The following RALGAPA2 variants were observed in gnomAD, a reference collection of about 807,000 sequenced individuals.
The protein encoded by RALGAPA2 is Ral GTPase activating protein catalytic subunit alpha 2.
A neutral mutation model predicts 230.4 loss-of-function variants in RALGAPA2; 139 were observed. That is an observed-to-expected ratio of 0.60 (90% CI 0.53 to 0.69). The LOEUF is 0.69. Ranked by LOEUF, RALGAPA2 falls within the 30% of genes least tolerant of loss-of-function variation. The pLI, the probability that RALGAPA2 is intolerant of heterozygous loss-of-function variation, is 0.00. For missense variants in RALGAPA2, 2,163 were observed against 2,276.0 expected (o/e 0.95, Z 1.01); for synonymous variants, 847 against 837.8 (o/e 1.01, Z -0.19).
intron 12 of RALGAPA2, among the ~76,000 whole-genome samples, chr20:20,618,205 A>C (rs1279365915): frequency 1.3e-5 from 2 of 152,182 alleles, no homozygotes; most frequent in Non-Finnish European, 2.9e-5. Flanking sequence ...CTTTTGAACC[A>C]AGGGGATCAC....
chr20:20,519,598 C>G (rs2062977290), intron 31 of RALGAPA2, among the ~76,000 whole-genome samples: 1 of 152,208 alleles, frequency 6.6e-6, no homozygotes, highest in Admixed American at 6.5e-5. Context: ...TATAACAGCT[C>G]CTGTTTCATT....
intron 37 of RALGAPA2, among the ~76,000 whole-genome samples, chr20:20,444,912 G>A (rs1251584126): frequency 1.3e-5 from 2 of 152,168 alleles, no homozygotes; most frequent in East Asian, 1.9e-4. Flanking sequence ...GCGGGTCCAC[G>A]CCGCATGCGC....
chr20:20,400,773 A>C (rs1602258607), intron 38 of RALGAPA2, among the ~76,000 whole-genome samples: 1 of 152,216 alleles, frequency 6.6e-6, no homozygotes, highest in South Asian at 2.1e-4. Context: ...CCAAAAGTGG[A>C]AACAGCCCGA....
chr20:20,670,812 G>C (rs76498885), intron 3 of RALGAPA2, among the ~76,000 whole-genome samples: 1 of 151,866 alleles, frequency 6.6e-6, no homozygotes, highest in Non-Finnish European at 1.5e-5. Flanking sequence ...AGCCGGGCAC[G>C]GTGGCAGGCA....
chr20:20,537,844 C>T (rs1241187254), intron 24 of RALGAPA2, among the ~76,000 whole-genome samples: 1 of 152,184 alleles, frequency 6.6e-6, no homozygotes, highest in Non-Finnish European at 1.5e-5. Context: ...AGCATTTCTT[C>T]ATAAAGTCCC....
At chr20:20,688,247 G>A (rs905799651) in intron 1 of RALGAPA2, among the ~76,000 whole-genome samples, 1 of 151,760 alleles carries the variant, frequency 6.6e-6, no homozygotes, top group Non-Finnish European at 1.5e-5. Context: ...CAGAGGTTGC[G>A]GTGAGCCAAC....
At chr20:20,616,956 G>T (rs910574685) in intron 12 of RALGAPA2, among the ~76,000 whole-genome samples, 4 of 152,198 alleles carry the variant, frequency 2.6e-5, no homozygotes, top group Non-Finnish European at 5.9e-5. Flanking sequence ...GCAGAAAAAT[G>T]TGAGAAGCAC....
chr20:20,676,253 T>C lies in RALGAPA2; in HGVS notation c.253A>G (p.Ile85Val), dbSNP rs767812466. ...AAACTTACTTCAAAAAGGAAGAGGA[T>C]GGAGTCCAGCTCCTCCCTTTGTGAC... ...NKSQREELDSILFLFEKILQF... is the reference protein window; with the variant it reads ...NKSQREELDSVLFLFEKILQF... Residue 85 changes from isoleucine (I) to valine (V), a missense_variant, in exon 3 of 40, where the codon ATC (isoleucine) becomes GTC (valine). Coordinates refer to ENST00000202677, the MANE Select transcript of RALGAPA2 (RefSeq NM_020343.4). 10 of 1,561,692 alleles carry C rather than the reference T, an allele frequency of 6.4e-6. No homozygotes were observed. Among genetic ancestry groups the C allele is most frequent in the South Asian group, 3.5e-5 (3 of 86,112 alleles).
rs893563164 is a variant in RALGAPA2 at position 20,620,451 on chromosome 20, GAA to G, written c.1401+10_1401+11del. 2 of 1,611,916 alleles carry G rather than the reference GAA, an allele frequency of 1.2e-6. No homozygotes were observed. Among genetic ancestry groups the G allele is most frequent in the Admixed American group, 3.4e-5 (2 of 59,620 alleles). ...TTTACCCTCAACTCAAAAGACAAGTGAAAAAAATTACCTCCTTGCTATCAGTC... is the reference window on the plus strand; with the variant it reads ...TTTACCCTCAACTCAAAAGACAAGTGAAAAATTACCTCCTTGCTATCAGTC... On this transcript the variant is annotated intron_variant, in intron 11 of 39. Transcript: ENST00000202677.
chr20:20,436,479 G>A (rs1438386223), intron 37 of RALGAPA2, among the ~76,000 whole-genome samples: 1 of 152,150 alleles, frequency 6.6e-6, no homozygotes, highest in Non-Finnish European at 1.5e-5. Context: ...AGAAAAAACT[G>A]GTAGTGGTTG....
intron 1 of RALGAPA2, among the ~76,000 whole-genome samples, chr20:20,701,245 T>A (rs191510499): frequency 9.2e-5 from 14 of 152,356 alleles, no homozygotes; most frequent in Admixed American, 5.9e-4. Flanking sequence ...CCTATCTCTT[T>A]GGGGCAGATT....
chr20:20,572,507 C>CTATA (rs1260859008), intron 21 of RALGAPA2, among the ~76,000 whole-genome samples: 2 of 151,124 alleles, frequency 1.3e-5, no homozygotes, highest in African/African-American at 4.9e-5. Context: ...AGAAAGAAGA[C>CTATA]TATATATTAA....
Position 20,472,903 on chromosome 20 carries a change from C to G in RALGAPA2, c.5421G>C (p.Leu1807=), listed in dbSNP as rs374831952. The change falls in exon 37 of 40, where the codon CTG becomes CTC. Residue 1807 remains leucine (L), a synonymous_variant. Coordinates refer to ENST00000202677, the MANE Select transcript of RALGAPA2 (RefSeq NM_020343.4). ...TGCACGTGGCACATACAAGGCTTGG[C>G]AGCAGCTTCCCACTCACTATGGCTC... ...FDGAIVSGKL[L]PSLVCATCIN... is the part of the protein sequence containing the mutation. The G allele has an allele frequency of 3.1e-6, 5 of 1,613,594 alleles. No individual in the cohort carries two copies. The African/African-American group carries it at 4.0e-5, about 13-fold the overall frequency.
intron 36 of RALGAPA2, among the ~76,000 whole-genome samples, chr20:20,479,614 T>C (rs1400098670): frequency 2.0e-5 from 3 of 152,234 alleles, no homozygotes; most frequent in South Asian, 2.1e-4. Flanking sequence ...AATCCTGGAA[T>C]AGAAGGGATC....
At chr20:20,574,671 T>A (rs1458825921) in intron 20 of RALGAPA2, among the ~76,000 whole-genome samples, 1 of 152,176 alleles carries the variant, frequency 6.6e-6, no homozygotes, top group Non-Finnish European at 1.5e-5. Flanking sequence ...GAGGCAAGCA[T>A]TTTAACTGCA....
rs371490407 is a variant in RALGAPA2 at position 20,605,406 on chromosome 20, T to G, written c.1807A>C (p.Met603Leu). Residue 603 changes from methionine to leucine, a missense_variant, in exon 15 of 40, where the codon ATG (methionine) becomes CTG (leucine). Transcript: ENST00000202677. ...AGGTTTGCTCGGATCCAAGCTACCA[T>G]GAGCGTCTAAAACCAACCAACCAAC... ...SLAGLLFRTL[M>L]VAWIRANLCV... 6.2e-7 allele frequency: 1 copy of G among 1,612,770 alleles called. No individual in the cohort carries two copies. The highest frequency in any genetic ancestry group is 1.7e-5 in the Admixed American group (1 of 59,994).
intron 30 of RALGAPA2, among the ~76,000 whole-genome samples, chr20:20,523,386 T>C (rs1441922064): frequency 1.3e-5 from 2 of 152,242 alleles, no homozygotes; most frequent in African/African-American, 4.8e-5. Context: ...AGTTCCTTAA[T>C]TTATTTCTTA....
chr20:20,429,646 A>G (rs921545233), intron 37 of RALGAPA2, among the ~76,000 whole-genome samples: 1 of 152,248 alleles, frequency 6.6e-6, no homozygotes, highest in Non-Finnish European at 1.5e-5. Flanking sequence ...ACAAAATTCT[A>G]AAGTTTTCTT....
intron 36 of RALGAPA2, among the ~76,000 whole-genome samples, chr20:20,483,486 A>C (rs1179387090): frequency 6.6e-6 from 1 of 152,094 alleles, no homozygotes; most frequent in Non-Finnish European, 1.5e-5. Context: ...TCGCCCTGAG[A>C]AGCTTGGCCC....
Sources: gnomAD v4.1 joint callset for allele counts (sites outside exome capture counted in the v4.1 genomes callset) on GRCh38, gnomAD v4.1.1 for gene constraint, MANE v1.5 for transcripts, NCBI Gene and HGNC (gene_info 2026-07-23, HGNC 2026-07-21) for gene names.